The following AGR3 variants were observed in gnomAD, a reference collection of about 807,000 sequenced individuals.
The protein encoded by AGR3 is anterior gradient 3, protein disulphide isomerase family member, also known as anterior gradient protein 3.
A neutral mutation model predicts 24.5 loss-of-function variants in AGR3; 37 were observed. The observed-to-expected ratio is 1.51, with a 90% CI of 1.16 to 1.99. The LOEUF (loss-of-function observed/expected upper bound fraction) is 1.99. AGR3 is among the 30% of genes most tolerant of loss of function. The pLI is 0.00. For synonymous variants in AGR3, 75 were observed against 61.6 expected, an observed-to-expected ratio of 1.22 and a Z score of -1.02; for missense variants, 228 against 191.1, an observed-to-expected ratio of 1.19 and a Z score of -1.14.
Position 16,862,614 on chromosome 7 carries a change from A to T in AGR3, c.222T>A (p.Ser74=). The change falls in exon 4 of 8, where the codon TCT becomes TCA. Residue 74 remains serine, a synonymous_variant. Coordinates refer to ENST00000310398, the MANE Select transcript of AGR3 (RefSeq NM_176813.5). ...VIHHLEDCQY[S]QALKKVFAQN... The stretch of plus-strand genomic sequence containing the variant: ...GATATCAGGGGCTAAAATTACCTTG[A>T]GAGTATTGACAATCCTCCAGGTGAT... 6.6e-7 allele frequency: 1 copy of T among 1,521,284 alleles called. No homozygotes were observed. The highest frequency in any genetic ancestry group is 8.8e-7 in the Non-Finnish European group (1 of 1,140,440). 94.2% of individuals were successfully genotyped at this position (1,521,284 alleles called of 1,614,324 possible).
At chr7:16,854,823 T>C (rs866281708), downstream of AGR3, among the ~76,000 whole-genome samples, 12 of 152,140 alleles carry the variant, frequency 7.9e-5, no homozygotes, top group Non-Finnish European at 1.2e-4. Flanking sequence ...CTGACAACCT[T>C]GAGCATTCCT....
At chr7:16,859,022 C>A (rs1056018305), downstream of AGR3, among the ~76,000 whole-genome samples, 3 of 152,130 alleles carry the variant, frequency 2.0e-5, no homozygotes, top group African/African-American at 7.2e-5. Context: ...GATTTATCCA[C>A]TTGTTTTGGT....
chr7:16,863,386 G>A (rs889392030), intron 3 of AGR3, among the ~76,000 whole-genome samples: 7 of 152,022 alleles, frequency 4.6e-5, no homozygotes, highest in Admixed American at 6.6e-5. Flanking sequence ...ATTCTTGCAC[G>A]TTGCAGAATA....
At chr7:16,862,581 T>C (rs764054658) in intron 4 of AGR3, 29 bp downstream of exon 4, 2 of 1,394,388 alleles carry the variant, frequency 1.4e-6, no homozygotes, top group Admixed American at 2.6e-5. Context: ...TATTATATAT[T>C]ATAATAAGAT....
intron 7 of AGR3, 165 bp downstream of exon 7, chr7:16,860,335 C>A (rs765697179): frequency 1.8e-6 from 1 of 568,336 alleles, no homozygotes; most frequent in Non-Finnish European, 3.2e-6. Flanking sequence ...TTCTGAGGTA[C>A]CCCCAAAATT....
At chr7:16,863,013 T>G (rs979329947) in intron 3 of AGR3, among the ~76,000 whole-genome samples, 2 of 152,166 alleles carry the variant, frequency 1.3e-5, no homozygotes, top group African/African-American at 4.8e-5. Flanking sequence ...GAGGTTGCGG[T>G]GAGCCGAGAT....
At chr7:16,881,453 G>A (rs977682731) in intron 1 of AGR3, among the ~76,000 whole-genome samples, 9 of 152,156 alleles carry the variant, frequency 5.9e-5, no homozygotes, top group Admixed American at 4.6e-4. Flanking sequence ...GCAAGGTTAA[G>A]CTACTTGGGG....
chr7:16,879,165 T>C (rs955822531), intron 1 of AGR3, among the ~76,000 whole-genome samples: 1 of 152,246 alleles, frequency 6.6e-6, no homozygotes. Context: ...TTCTTGTCCT[T>C]CAGTTCCTTT....
rs1387891036 is a variant in AGR3, at chr7:16,871,620, A to C, written c.173+2160T>G. On this transcript the variant is annotated intron_variant, in intron 3 of 7. Transcript: ENST00000310398. ...CACTTTGGGAGGTTGAGGTGGACGT[A>C]TCACCTGAGATCAAGAGTTCGAGAC... Among the ~76,000 whole-genome samples, 3 of 152,184 alleles carry C rather than the reference A, an allele frequency of 2.0e-5. No homozygotes were observed. In the South Asian group the frequency reaches 6.2e-4, roughly 32 times the overall value.
chr7:16,876,450 T>G (rs1380336966), intron 2 of AGR3, among the ~76,000 whole-genome samples: 1 of 152,106 alleles, frequency 6.6e-6, no homozygotes, highest in Non-Finnish European at 1.5e-5. Context: ...TCCCTGAACC[T>G]TCTTCTACCT....
At chr7:16,870,224 A>G (rs1408368013) in intron 3 of AGR3, among the ~76,000 whole-genome samples, 3 of 151,948 alleles carry the variant, frequency 2.0e-5, no homozygotes, top group Non-Finnish European at 2.9e-5. Context: ...GTGTTTTTCT[A>G]TATATAAATG....
downstream of AGR3, among the ~76,000 whole-genome samples, chr7:16,857,003 T>G (rs1781563391): frequency 6.6e-6 from 1 of 151,108 alleles, no homozygotes; most frequent in Non-Finnish European, 1.5e-5. Flanking sequence ...AAACACGTTG[T>G]GGTCTCACTA....
In AGR3 at chr7:16,861,420, G is replaced by T. The variant is rs756796755; in HGVS notation, c.331C>A (p.Pro111Thr). 1.2e-6 allele frequency: 2 copies of T among 1,610,898 alleles called. No homozygotes were observed. The highest frequency in any genetic ancestry group is 1.7e-4 in the Middle Eastern group (1 of 6,036). Reference sequence around the variant, plus strand: ...ATTCTAGGCACATATTGCCCATCAGGTGATAAATTCTTATCAGTGGTTTCA... The same window carrying T: ...ATTCTAGGCACATATTGCCCATCAGTTGATAAATTCTTATCAGTGGTTTCA... ...MHETTDKNLSPDGQYVPRIMF... is the reference protein window; with the variant it reads ...MHETTDKNLSTDGQYVPRIMF... The change falls in exon 6 of 8, where the codon CCT becomes ACT. Residue 111 changes from proline (P) to threonine (T), a missense_variant. Pro to Thr is a conservative substitution (Grantham distance 38, BLOSUM62 -1). Transcript: ENST00000310398.
At chr7:16,869,668 A>C (rs991649434) in intron 3 of AGR3, among the ~76,000 whole-genome samples, 1 of 126,906 alleles carries the variant, frequency 7.9e-6, no homozygotes, top group African/African-American at 3.0e-5. Context: ...GGGGCTTGTG[A>C]GTTTGTTTTT....
chr7:16,878,147 A>G (rs528225851), intron 2 of AGR3, among the ~76,000 whole-genome samples: 4 of 151,592 alleles, frequency 2.6e-5, no homozygotes, highest in Admixed American at 2.6e-4. Flanking sequence ...TGGGAAATAG[A>G]GGACTGGGAA....
At chr7:16,878,479 G>A in intron 2 of AGR3, 31 bp downstream of exon 2, 1 of 1,576,310 alleles carries the variant, frequency 6.3e-7, no homozygotes, top group South Asian at 1.1e-5. Flanking sequence ...CCAAATGACT[G>A]AGTTTAGAAA....
intron 3 of AGR3, among the ~76,000 whole-genome samples, chr7:16,868,763 T>C (rs545669860): frequency 6.6e-6 from 1 of 152,312 alleles, no homozygotes; most frequent in East Asian, 1.9e-4. Context: ...GATTTTTAAA[T>C]ACCGCTTTAA....
At chr7:16,860,639 C>A (rs957292631) in intron 6 of AGR3, 56 bp from the exon 7 acceptor site, 3 of 1,261,300 alleles carry the variant, frequency 2.4e-6, no homozygotes, top group African/African-American at 3.0e-5. Flanking sequence ...CTTTTCTTTA[C>A]TCTTGTAAAA....
downstream of AGR3, among the ~76,000 whole-genome samples, chr7:16,854,711 G>A (rs912806785): frequency 6.6e-6 from 1 of 152,180 alleles, no homozygotes; most frequent in Admixed American, 6.5e-5. Flanking sequence ...TTGTCTCACA[G>A]ATCTGGAGGG....
Sources: allele counts gnomAD v4.1 joint callset (sites outside exome capture counted in the v4.1 genomes callset), GRCh38; gene constraint gnomAD v4.1.1; transcripts MANE v1.5; gene names NCBI Gene and HGNC (gene_info 2026-07-23, HGNC 2026-07-21).